EVA1A: variants seen among roughly 807,000 people sequenced by gnomAD.
EVA1A encodes eva-1 homolog A, regulator of programmed cell death.
EVA1A carries 7 observed loss-of-function variants against 9.8 expected under a neutral mutation model. The observed-to-expected ratio is 0.71, with a 90% CI of 0.41 to 1.34. EVA1A has a LOEUF of 1.34. Ranked by LOEUF, EVA1A falls within the 40% of genes most tolerant of loss-of-function variation. EVA1A has a pLI of 0.01. For synonymous variants in EVA1A, 90 were observed against 85.6 expected, an observed-to-expected ratio of 1.05 and a Z score of -0.28; for missense variants, 206 against 205.9, an observed-to-expected ratio of 1.00 and a Z score of 0.00.
chr2:75,493,598 G>A lies in EVA1A; in HGVS notation c.97C>T (p.Arg33Ter), dbSNP rs1223878260. Residue 33 changes from arginine (R) to a stop codon, truncating the protein, a stop_gained, in exon 4 of 4, where the codon CGA becomes TGA. Coordinates refer to ENST00000393913, the MANE Select transcript of EVA1A (RefSeq NM_001135032.2). LOFTEE classifies it high-confidence loss of function. ...AYSFVSENPE[R>*]AALYFVSGVC... ...CCAGAAACAAAGTACAGAGCTGCTC[G>A]CTCAGGATTTTCTGGAGGAAGAAGA... The A allele has an allele frequency of 1.9e-6, 3 of 1,588,482 alleles. No homozygotes were observed. The highest frequency in any genetic ancestry group is 4.5e-5 in the East Asian group (2 of 44,496).
chr2:75,500,924 A>G lies in EVA1A; in HGVS notation c.86-7315T>C, dbSNP rs370287406. Among the ~76,000 whole-genome samples, 280 of 151,182 alleles carry G rather than the reference A, an allele frequency of 1.9e-3. 6 individuals are homozygous for G. Among genetic ancestry groups the G allele is most frequent in the African/African-American group, 6.6e-3 (271 of 41,186 alleles). ...ATTTCCCCGCACCTGCAGCTTTCTA[A>G]CTCTGGATTCCACTTCCTTCCACCT... On this transcript the variant is annotated intron_variant, in intron 3 of 3. Coordinates refer to ENST00000393913, the MANE Select transcript of EVA1A (RefSeq NM_001135032.2).
At chr2:75,524,298 G>A (rs57097822) in intron 1 of EVA1A, 1,638 of 152,000 alleles carry the variant, frequency 0.011, 30 homozygotes, top group African/African-American at 0.038. Context: ...CAAAGTAAAC[G>A]TGCTCCCCAA....
chr2:75,555,071 G>T (rs1469430494), intron 1 of EVA1A, among the ~76,000 whole-genome samples: 1 of 152,164 alleles, frequency 6.6e-6, no homozygotes, highest in Non-Finnish European at 1.5e-5. Context: ...AATGAGTAAA[G>T]CCTGGGGATG....
At chr2:75,501,202 G>C (rs1053510381) in intron 3 of EVA1A, among the ~76,000 whole-genome samples, 6 of 152,062 alleles carry the variant, frequency 3.9e-5, no homozygotes, top group Admixed American at 3.9e-4. Flanking sequence ...TGACTCCTCT[G>C]CTGGAATGCC....
intron 3 of EVA1A, among the ~76,000 whole-genome samples, chr2:75,512,976 C>T (rs570435028): frequency 1.3e-5 from 2 of 152,254 alleles, no homozygotes; most frequent in South Asian, 4.1e-4. Flanking sequence ...CTAGAAATGA[C>T]CATGTGACAC....
intron 3 of EVA1A, among the ~76,000 whole-genome samples, chr2:75,515,232 CA>C (rs201107911): frequency 0.016 from 2,374 of 152,224 alleles, 58 homozygotes; most frequent in African/African-American, 0.054. Flanking sequence ...CCTAGTTTGA[CA>C]CTTGTCATTT....
intron 3 of EVA1A, among the ~76,000 whole-genome samples, chr2:75,505,245 G>A (rs1223877283): frequency 3.9e-5 from 6 of 152,184 alleles, no homozygotes; most frequent in African/African-American, 1.4e-4. Flanking sequence ...GAAGAAGGGT[G>A]TGATTAATTA....
intron 3 of EVA1A, among the ~76,000 whole-genome samples, chr2:75,509,047 C>G (rs1354881325): frequency 6.6e-6 from 1 of 152,104 alleles, no homozygotes; most frequent in Admixed American, 6.6e-5. Context: ...TGTGTCGTGT[C>G]TTGTGAATTC....
intron 1 of EVA1A, among the ~76,000 whole-genome samples, chr2:75,538,498 T>A (rs1396941345): frequency 1.3e-5 from 2 of 152,222 alleles, no homozygotes; most frequent in African/African-American, 4.8e-5. Context: ...GCATGTTGTA[T>A]AAATGAGAGC....
At chr2:75,508,536 A>G (rs937625122) in intron 3 of EVA1A, among the ~76,000 whole-genome samples, 2 of 152,124 alleles carry the variant, frequency 1.3e-5, no homozygotes, top group Non-Finnish European at 2.9e-5. Flanking sequence ...TCCTGATAAG[A>G]TGTTATCAAT....
chr2:75,561,968 G>T (rs1321129275), upstream of EVA1A, among the ~76,000 whole-genome samples: 3 of 152,154 alleles, frequency 2.0e-5, no homozygotes, highest in African/African-American at 4.8e-5. Flanking sequence ...TGACCACGTG[G>T]ATGACTAGAA....
chr2:75,539,939 C>A (rs1284885338), intron 1 of EVA1A, among the ~76,000 whole-genome samples: 1 of 152,114 alleles, frequency 6.6e-6, no homozygotes, highest in East Asian at 1.9e-4. Context: ...AACCAGGAAC[C>A]ATGGAGGACA....
At chr2:75,536,953 T>G (rs1675929131) in intron 1 of EVA1A, among the ~76,000 whole-genome samples, 1 of 152,294 alleles carries the variant, frequency 6.6e-6, no homozygotes, top group South Asian at 2.1e-4. Context: ...TCCCAATTCA[T>G]TTCATGAAGC....
intron 1 of EVA1A, among the ~76,000 whole-genome samples, chr2:75,549,980 C>G (rs1245466184): frequency 2.0e-5 from 3 of 152,150 alleles, no homozygotes; most frequent in Non-Finnish European, 2.9e-5. Flanking sequence ...AGCTGAATTT[C>G]TTGTTTAAGT....
At chr2:75,557,514 A>G (rs772714278) in intron 1 of EVA1A, among the ~76,000 whole-genome samples, 1 of 152,220 alleles carries the variant, frequency 6.6e-6, no homozygotes, top group Non-Finnish European at 1.5e-5. Context: ...AGCTGGTGGC[A>G]TTTATTCATC....
intron 1 of EVA1A, among the ~76,000 whole-genome samples, chr2:75,533,644 T>C (rs924400935): frequency 2.6e-5 from 4 of 151,946 alleles, no homozygotes; most frequent in East Asian, 1.9e-4. Context: ...GTTCTGAATG[T>C]ATATAAAGGA....
At chr2:75,559,707 G>GGGGGGGGGGGGGTT (rs1676851149) in intron 1 of EVA1A, among the ~76,000 whole-genome samples, 1 of 124,906 alleles carries the variant, frequency 8.0e-6, no homozygotes, top group Non-Finnish European at 1.7e-5. Flanking sequence ...TGGGGGGGGG[G>GGGGGGGGGGGGGTT]CGGGGGAGTT....
At chr2:75,527,429 C>T (rs1447979312) in intron 1 of EVA1A, among the ~76,000 whole-genome samples, 1 of 152,220 alleles carries the variant, frequency 6.6e-6, no homozygotes, top group Non-Finnish European at 1.5e-5. Context: ...CCCCCTCCCC[C>T]TCTCCACTGG....
intron 1 of EVA1A, among the ~76,000 whole-genome samples, chr2:75,535,795 G>A (rs1396087532): frequency 3.9e-5 from 6 of 152,064 alleles, no homozygotes; most frequent in African/African-American, 1.4e-4. Context: ...AAGGGTAGAG[G>A]GAGTGAGAGA....
Sources: gnomAD v4.1 joint callset for allele counts (sites outside exome capture counted in the v4.1 genomes callset) on GRCh38, gnomAD v4.1.1 for gene constraint, MANE v1.5 for transcripts, NCBI Gene and HGNC (gene_info 2026-07-23, HGNC 2026-07-21) for gene names.